The following CABYR variants were observed in gnomAD, a reference collection of about 807,000 sequenced individuals.
CABYR encodes calcium-binding tyrosine phosphorylation-regulated protein.
A neutral mutation model predicts 36.1 loss-of-function variants in CABYR; 31 were observed. That is an observed-to-expected ratio of 0.86 (90% CI 0.64 to 1.16). The LOEUF (loss-of-function observed/expected upper bound fraction) is 1.16, where lower values mean the gene tolerates loss of function less well. Among genes scored for constraint, CABYR ranks in the 50% most tolerant of loss-of-function variants. CABYR has a pLI of 0.00. For missense variants in CABYR, 429 were observed against 455.8 expected, an observed-to-expected ratio of 0.94 and a Z score of 0.53; for synonymous variants, 146 against 160.7, an observed-to-expected ratio of 0.91 and a Z score of 0.69.
Position 24,143,424 on chromosome 18 carries a change from C to G in CABYR, c.199+11C>G. The G allele has an allele frequency of 6.9e-7, 1 of 1,439,078 alleles. No homozygotes were observed. Among genetic ancestry groups the G allele is most frequent in the African/African-American group, 1.4e-5 (1 of 70,728 alleles). 89.1% of individuals were successfully genotyped at this position (1,439,078 alleles called of 1,614,324 possible). A position where few individuals can be genotyped will look rare whatever the true frequency, so the allele number is the denominator to read the frequency against. On this transcript the variant is annotated intron_variant, in intron 3 of 5. Transcript: ENST00000399496. The stretch of plus-strand genomic sequence containing the variant: ...TTCATCAGATTAAAGGTAAGTACCA[C>G]AAGTAGTAATAGTTTTAATAATGAT...
intron 1 of CABYR, chr18:24,139,467 G>A (rs1403991592): frequency 6.6e-6 from 1 of 152,230 alleles, no homozygotes; most frequent in East Asian, 1.9e-4. Flanking sequence ...TTAGGGAGAG[G>A]TCGGGGAGTG....
rs5823414 is a variant in CABYR at position 24,147,252 on chromosome 18, C to CAAAAAAAAAAAAA, written c.199+3847_199+3859dup. 2.1e-5 allele frequency among the ~76,000 whole-genome samples: 2 copies of CAAAAAAAAAAAAA among 96,456 alleles called. 1 individual carries two copies. The highest frequency in any genetic ancestry group is 3.8e-5 in the Non-Finnish European group (2 of 52,428). The allele number at this position is 96,456 out of a possible 152,430, so 63.3% of individuals were successfully genotyped here. On this transcript the variant is annotated intron_variant, in intron 3 of 5. Transcript: ENST00000399496. ...TAGGTGACAGTGCAAAACCATGTCTCAAAAAAAAAAAAAAAAAAAAGCCTA... is the reference window on the plus strand; with the variant it reads ...TAGGTGACAGTGCAAAACCATGTCTCAAAAAAAAAAAAAAAAAAAAAAAAAAAAAAAAAGCCTA...
In CABYR at chr18:24,143,074, CT is replaced by C; in HGVS notation, c.-24-12del. On this transcript the variant is annotated splice_polypyrimidine_tract_variant and intron_variant, in intron 1 of 5. Coordinates refer to ENST00000399496, the MANE Select transcript of CABYR (RefSeq NM_153769.3). ...TTAGTAAAACTAATTACTTCTAAGA[CT>C]TTTTCTTCATTCTAGTTGAGTTACA... is the stretch of plus-strand genomic sequence containing the variant. 1 of 1,295,694 alleles carries C rather than the reference CT, an allele frequency of 7.7e-7. No individual in the cohort carries two copies. Among genetic ancestry groups the C allele is most frequent in the Non-Finnish European group, 1.1e-6 (1 of 946,712 alleles). 80.3% of individuals were successfully genotyped at this position (1,295,694 alleles called of 1,614,324 possible).
At chr18:24,156,722 T>TGC in intron 4 of CABYR, 1 of 1,614,206 alleles carries the variant, frequency 6.2e-7, no homozygotes, top group Non-Finnish European at 8.5e-7. Context: ...ATGCAGAAGG[T>TGC]GCTATCAAAA....
rs369752863 is a variant in CABYR, at chr18:24,143,429, A to G, written c.199+16A>G. On this transcript the variant is annotated intron_variant, in intron 3 of 5. Transcript: ENST00000399496. ...CAGATTAAAGGTAAGTACCACAAGT[A>G]GTAATAGTTTTAATAATGATGTTTA... 3.2e-5 allele frequency: 45 copies of G among 1,413,314 alleles called. No homozygotes were observed. The African/African-American group carries it at 5.6e-4, about 17-fold the overall frequency. 87.5% of individuals were successfully genotyped at this position (1,413,314 alleles called of 1,614,324 possible). A position where few individuals can be genotyped will look rare whatever the true frequency, so the allele number is the denominator to read the frequency against.
At chr18:24,143,476 G>A (rs2085379258) in intron 3 of CABYR, 63 bp downstream of exon 3, 1 of 882,744 alleles carries the variant, frequency 1.1e-6, no homozygotes. Flanking sequence ...ATCATGACTA[G>A]CATATATTCA....
At chr18:24,145,631 G>A (rs1230515191) in intron 3 of CABYR, among the ~76,000 whole-genome samples, 1 of 152,126 alleles carries the variant, frequency 6.6e-6, no homozygotes, top group Non-Finnish European at 1.5e-5. Context: ...CCTCATGTGT[G>A]GAGTAAAGCT....
intron 4 of CABYR, chr18:24,156,492 G>T: frequency 1.2e-6 from 2 of 1,613,704 alleles, no homozygotes; most frequent in South Asian, 2.2e-5. Context: ...TAAAGAAAAT[G>T]AGCAGTCAAA....
intron 4 of CABYR, chr18:24,156,636 A>G (rs1197678039): frequency 1.9e-6 from 3 of 1,614,216 alleles, no homozygotes; most frequent in Non-Finnish European, 2.5e-6. Context: ...CTCAGTATAT[A>G]TGGAGGCAGA....
chr18:24,161,151 A>T (rs2085967732), intron 5 of CABYR, among the ~76,000 whole-genome samples: 1 of 150,338 alleles, frequency 6.7e-6, no homozygotes, highest in Non-Finnish European at 1.5e-5. Context: ...GTTATACACC[A>T]ATTAGTTACT....
Position 24,143,360 on chromosome 18 carries a change from G to A in CABYR, c.146G>A (p.Gly49Glu). Reference sequence around the variant, plus strand: ...TGATTTCCTGTATTGATTCCTTCAGGGAATACTACTATGGATATAAAAGAT... The same window carrying A: ...TGATTTCCTGTATTGATTCCTTCAGAGAATACTACTATGGATATAAAAGAT... ...AYFQELTMYR[G>E]NTTMDIKDLV... is the part of the protein sequence containing the mutation. Residue 49 changes from glycine to glutamate, a missense_variant and splice_region_variant, in exon 3 of 6, where the codon GGG (glycine) becomes GAG (glutamate). Transcript: ENST00000399496. 3.2e-6 allele frequency: 5 copies of A among 1,587,166 alleles called. No individual in the cohort carries two copies. The highest frequency in any genetic ancestry group is 1.7e-5 in the Admixed American group (1 of 57,778).
intron 4 of CABYR, chr18:24,156,271 C>G (rs777559650): frequency 6.2e-7 from 1 of 1,614,190 alleles, no homozygotes; most frequent in Non-Finnish European, 8.5e-7. Flanking sequence ...GCTGAACCAT[C>G]AACGGCTTCC....
intron 3 of CABYR, among the ~76,000 whole-genome samples, chr18:24,151,031 CTT>C (rs558519515): frequency 8.1e-4 from 124 of 152,312 alleles, no homozygotes; most frequent in East Asian, 6.0e-3. Flanking sequence ...TCTCGTATCT[CTT>C]GTTAGGCCCT....
chr18:24,158,316 A>G (rs1316656174), intron 4 of CABYR, among the ~76,000 whole-genome samples: 1 of 141,112 alleles, frequency 7.1e-6, no homozygotes, highest in African/African-American at 2.5e-5. Context: ...GCGTAGTATT[A>G]TTTCTTTTTT....
At chr18:24,149,474 G>A (rs1384671110) in intron 3 of CABYR, among the ~76,000 whole-genome samples, 2 of 152,246 alleles carry the variant, frequency 1.3e-5, no homozygotes, top group Non-Finnish European at 1.5e-5. Flanking sequence ...AGACTCAGGA[G>A]TCCAGCTGGC....
intron 3 of CABYR, among the ~76,000 whole-genome samples, chr18:24,146,866 T>A (rs979788516): frequency 6.6e-6 from 1 of 152,152 alleles, no homozygotes; most frequent in African/African-American, 2.4e-5. Context: ...TAAAGTGACC[T>A]AGAATGCCAG....
intron 1 of CABYR, among the ~76,000 whole-genome samples, chr18:24,141,639 T>C (rs1391185345): frequency 1.3e-5 from 2 of 152,252 alleles, no homozygotes; most frequent in African/African-American, 2.4e-5. Context: ...TAGCTTCACC[T>C]TGTTTTTCCT....
chr18:24,154,553 A>G (rs1255906800), intron 3 of CABYR, among the ~76,000 whole-genome samples: 2 of 152,266 alleles, frequency 1.3e-5, no homozygotes, highest in East Asian at 3.8e-4. Context: ...CAAAGGAGAC[A>G]CTGCAGGACA....
chr18:24,149,002 T>C (rs1054615802), intron 3 of CABYR, among the ~76,000 whole-genome samples: 1 of 152,188 alleles, frequency 6.6e-6, no homozygotes, highest in Non-Finnish European at 1.5e-5. Context: ...CACATCCTGC[T>C]GATTGGTAGA....
Sources: allele counts gnomAD v4.1 joint callset (sites outside exome capture counted in the v4.1 genomes callset), GRCh38; gene constraint gnomAD v4.1.1; transcripts MANE v1.5; gene names NCBI Gene and HGNC (gene_info 2026-07-23, HGNC 2026-07-21).